Variants in ACHE observed in about 807,000 individuals in gnomAD.
ACHE encodes the protein acetylcholinesterase.
A neutral mutation model predicts 53.9 loss-of-function variants in ACHE; 19 were observed. The ratio of observed to expected loss-of-function variants is 0.35; its 90% CI spans 0.25 to 0.52. ACHE has a LOEUF of 0.52. Ranked by LOEUF, ACHE falls within the 20% of genes least tolerant of loss-of-function variation. The pLI is 0.95. For missense variants in ACHE, 605 were observed against 849.4 expected, an observed-to-expected ratio of 0.71 and a Z score of 3.58; for synonymous variants, 392 against 378.1, an observed-to-expected ratio of 1.04 and a Z score of -0.43.
At position 100,893,609 on chromosome 7, in the gene ACHE, C is replaced by G; in HGVS notation, c.624G>C (p.Arg208Ser). 1.2e-6 allele frequency: 2 copies of G among 1,612,968 alleles called. No individual in the cohort carries two copies. The highest frequency in any genetic ancestry group is 1.7e-6 in the Non-Finnish European group (2 of 1,180,036). Reference protein sequence around the residue: ...APGNVGLLDQRLALQWVQENV... With the variant: ...APGNVGLLDQSLALQWVQENV... ...TCTCCTGCACCCACTGCAGGGCCAG[C>G]CTCTGATCCAGGAGACCCACATTGC... The change falls in exon 2 of 5, where the codon AGG (arginine) becomes AGC (serine). Residue 208 changes from arginine (R) to serine (S), a missense_variant. Transcript: ENST00000241069.
chr7:100,896,703 C>T (rs559779955), upstream of ACHE: 83 of 308,344 alleles, frequency 2.7e-4, no homozygotes, highest in African/African-American at 1.6e-3. Context: ...AGGGTCCGGT[C>T]GGGGCATGAC....
chr7:100,895,996 C>G (rs1438652776), upstream of ACHE: 1 of 136,990 alleles, frequency 7.3e-6, no homozygotes, highest in Non-Finnish European at 1.6e-5. Flanking sequence ...TCCCGGGTGG[C>G]CACCTCCCCT....
In ACHE at chr7:100,890,181, G is replaced by A; in HGVS notation, c.*33C>T. ...AATAGTATATACAGCTAGGGGGCCG[G>A]GCGGAGCGGAGGACATGGGGGTCCC... On this transcript the variant is annotated 3_prime_UTR_variant, in exon 5 of 5. Coordinates refer to ENST00000241069, the MANE Select transcript of ACHE (RefSeq NM_000665.5). The A allele has an allele frequency of 6.2e-7, 1 of 1,612,480 alleles. No individual in the cohort carries two copies. Among genetic ancestry groups the A allele is most frequent in the Non-Finnish European group, 8.5e-7 (1 of 1,178,720 alleles).
intron 3 of ACHE, among the ~76,000 whole-genome samples, chr7:100,891,805 T>TTTC (rs869116295): frequency 2.7e-5 from 4 of 146,866 alleles, no homozygotes; most frequent in South Asian, 2.2e-4. Context: ...TTTTTTTTTT[T>TTTC]CCAGAGATAG....
chr7:100,890,599 G>A (rs951096061), intron 4 of ACHE: 28 of 1,380,728 alleles, frequency 2.0e-5, no homozygotes, highest in East Asian at 2.7e-5. Context: ...GAACAGAGGG[G>A]ACAGGAGGGG....
intron 1 of ACHE, among the ~76,000 whole-genome samples, chr7:100,895,529 G>A (rs1046707296): frequency 6.6e-6 from 1 of 152,172 alleles, no homozygotes; most frequent in Admixed American, 6.5e-5. Flanking sequence ...CCGGACTAGG[G>A]AGCGATCGGG....
rs375157729 is a variant in ACHE at position 100,893,319 on chromosome 7, C to T, written c.914G>A (p.Arg305Gln). Residue 305 changes from arginine to glutamine, a missense_variant, in exon 2 of 5, where the codon CGG becomes CAG. Arg to Gln is a conservative substitution (Grantham distance 43). Around this residue, in one of 4 missense-constraint regions of ACHE, gnomAD observed 397 missense variants for 632.5 expected, o/e 0.63. Transcript: ENST00000241069. ...CACCAGGACCTGCGCTGGTCGTGTCCGAAGGCAGGCTACCAGCTCTGTGTC... is the reference window on the plus strand; with the variant it reads ...CACCAGGACCTGCGCTGGTCGTGTCTGAAGGCAGGCTACCAGCTCTGTGTC... ...GNDTELVACL[R>Q]TRPAQVLVNH... 39 of 1,613,800 alleles carry T rather than the reference C, an allele frequency of 2.4e-5. No homozygotes were observed. The highest frequency in any genetic ancestry group is 3.3e-5 in the South Asian group (3 of 91,084).
upstream of ACHE, chr7:100,896,575 T>C (rs1247389413): frequency 1.2e-5 from 3 of 252,574 alleles, no homozygotes; most frequent in African/African-American, 2.3e-5. Flanking sequence ...GACAGCGTGG[T>C]AGCACGCGCA....
In ACHE at chr7:100,892,699, G is replaced by A. The variant is rs751381796; in HGVS notation, c.1188C>T (p.Val396=). 1.1e-5 allele frequency: 17 copies of A among 1,613,386 alleles called. No individual in the cohort carries two copies. The highest frequency in any genetic ancestry group is 1.4e-5 in the Non-Finnish European group (17 of 1,179,978). ...SRAEFLAGVR[V]GVPQVSDLAA... is the part of the protein sequence containing the mutation. The stretch of plus-strand genomic sequence containing the variant: ...CCAGGTCACTTACCTGGGGAACCCC[G>A]ACCCGCACCCCGGCCAGGAACTCGG... Residue 396 remains valine, a synonymous_variant, in exon 3 of 5, where the codon GTC becomes GTT. Transcript: ENST00000241069. The surrounding 1 kb of genome is among the most constrained non-coding windows in gnomAD (Gnocchi z 5.2).
chr7:100,891,174 G>A lies in ACHE; in HGVS notation c.1718C>T (p.Ala573Val). 1 of 1,604,492 alleles carries A rather than the reference G, an allele frequency of 6.2e-7. No individual in the cohort carries two copies. The highest frequency in any genetic ancestry group is 8.5e-7 in the Non-Finnish European group (1 of 1,176,374). Residue 573 changes from alanine (A) to valine (V), a missense_variant, in exon 4 of 5, where the codon GCC (alanine) becomes GTC (valine). By Grantham distance (64) the Ala-to-Val change is moderately conservative (BLOSUM62 0). Transcript: ENST00000241069. ...GCCCGCTGGCCCCTGCATACCGGTG[G>A]CGCTGAGCAATTTGGGGAGGAAGCG... ...WNRFLPKLLS[A>V]TDTLDEAERQ...
intron 3 of ACHE, among the ~76,000 whole-genome samples, chr7:100,891,955 A>G (rs761032609): frequency 1.3e-5 from 2 of 150,606 alleles, no homozygotes; most frequent in African/African-American, 2.4e-5. Context: ...TAAGTTTTGT[A>G]TTTTTTTTCT....
At chr7:100,891,783 CTTTTTTTT>C (rs71902456) in intron 3 of ACHE, among the ~76,000 whole-genome samples, 13 of 103,468 alleles carry the variant, frequency 1.3e-4, no homozygotes, top group East Asian at 7.5e-4. Context: ...CTTGGTCTCC[CTTTTTTTT>C]TTTTTTTTTT....
At position 100,893,655 on chromosome 7, in the gene ACHE, G is replaced by C; in HGVS notation, c.578C>G (p.Pro193Arg). Residue 193 changes from proline (P) to arginine (R), a missense_variant, in exon 2 of 5, where the codon CCG becomes CGG. By Grantham distance (103) the Pro-to-Arg change is moderately radical. Coordinates refer to ENST00000241069, the MANE Select transcript of ACHE (RefSeq NM_000665.5). Reference sequence around the variant, plus strand: ...ATTGCCCGGGGCCTCTCGGCTCCCCGGCAGGGCCAGGAAGCCAAAGGCTCC... The same window carrying C: ...ATTGCCCGGGGCCTCTCGGCTCCCCCGCAGGGCCAGGAAGCCAAAGGCTCC... ...RVGAFGFLALPGSREAPGNVG... is the reference protein window; with the variant it reads ...RVGAFGFLALRGSREAPGNVG... The C allele has an allele frequency of 6.2e-7, 1 of 1,613,192 alleles. No individual in the cohort carries two copies. The highest frequency in any genetic ancestry group is 8.5e-7 in the Non-Finnish European group (1 of 1,180,020).
intron 4 of ACHE, 98 bp downstream of exon 4, chr7:100,891,071 T>A: frequency 6.6e-7 from 1 of 1,513,574 alleles, no homozygotes; most frequent in Non-Finnish European, 8.9e-7. Flanking sequence ...CCTGGGCAGG[T>A]GCTGGGAGCC....
rs780056308 is a variant in ACHE, at chr7:100,892,496, C to T, written c.1391G>A (p.Arg464His). 2 of 1,591,540 alleles carry T rather than the reference C, an allele frequency of 1.3e-6. No homozygotes were observed. Among genetic ancestry groups the T allele is most frequent in the Admixed American group, 1.7e-5 (1 of 59,202 alleles). ...ARVYAYVFEH[R>H]ASTLSWPLWM... ...CAGGGGCCAGGAGAGCGTGGAAGCACGGTGTTCAAAGACGTAGGCGTAGAC... is the reference window on the plus strand; with the variant it reads ...CAGGGGCCAGGAGAGCGTGGAAGCATGGTGTTCAAAGACGTAGGCGTAGAC... The change falls in exon 3 of 5, where the codon CGT becomes CAT. Residue 464 changes from arginine to histidine, a missense_variant. Around this residue, in one of 4 missense-constraint regions of ACHE, gnomAD observed 397 missense variants for 632.5 expected, o/e 0.63. Coordinates refer to ENST00000241069, the MANE Select transcript of ACHE (RefSeq NM_000665.5). The surrounding 1 kb of genome is among the most constrained non-coding windows in gnomAD (Gnocchi z 5.2).
intron 1 of ACHE, among the ~76,000 whole-genome samples, chr7:100,895,525 T>C (rs1790991941): frequency 6.6e-6 from 1 of 151,944 alleles, no homozygotes; most frequent in Admixed American, 6.5e-5. Flanking sequence ...GGCCCCGGAC[T>C]AGGGAGCGAT....
chr7:100,890,586 C>G (rs1790611217), intron 4 of ACHE: 3 of 1,331,940 alleles, frequency 2.3e-6, no homozygotes, highest in South Asian at 1.9e-5. Context: ...GACCGGAAGA[C>G]GGGAACAGAG....
chr7:100,894,364 C>A, intron 1 of ACHE, 112 bp from the exon 2 acceptor site: 1 of 681,126 alleles, frequency 1.5e-6, no homozygotes, highest in East Asian at 3.3e-5. Context: ...GGAGGTGGGG[C>A]AGGTTGGCAA....
chr7:100,893,135 C>T (rs773307432), intron 2 of ACHE, 30 bp downstream of exon 2: 1 of 1,606,278 alleles, frequency 6.2e-7, no homozygotes, highest in South Asian at 1.1e-5. Context: ...CCCAGAGGAG[C>T]CAGCTTCACG....
Sources: gnomAD v4.1 joint callset for allele counts (sites outside exome capture counted in the v4.1 genomes callset) on GRCh38, gnomAD v4.1.1 for gene constraint, gnomAD v4.1.1 regional missense constraint, Gnocchi (gnomAD v3.1) non-coding constraint, MANE v1.5 for transcripts, NCBI Gene and HGNC (gene_info 2026-07-23, HGNC 2026-07-21) for gene names.